MYCBP2: variants seen among roughly 807,000 people sequenced by gnomAD.
MYCBP2 encodes E3 ubiquitin-protein ligase MYCBP2.
MYCBP2 carries 120 observed loss-of-function variants against 525.3 expected under a neutral mutation model. That is an observed-to-expected ratio of 0.23 (90% CI 0.20 to 0.27). The LOEUF (loss-of-function observed/expected upper bound fraction) is 0.27. Ranked by LOEUF, MYCBP2 falls within the 10% of genes least tolerant of loss-of-function variation. The pLI is 1.00. For synonymous variants in MYCBP2, 1,894 were observed against 1,955.8 expected (o/e 0.97, Z 0.83); for missense variants, 4,149 against 5,657.1 (o/e 0.73, Z 8.55).
At position 77,176,511 on chromosome 13, in the gene MYCBP2, C is replaced by T. The variant is rs753755288; in HGVS notation, c.5458G>A (p.Val1820Met). The T allele has an allele frequency of 6.3e-6, 10 of 1,579,440 alleles. No homozygotes were observed. In the South Asian group the frequency reaches 9.5e-5, roughly 15 times the overall value. Residue 1820 changes from valine to methionine, a missense_variant, in exon 36 of 83, where the codon GTG becomes ATG. Val to Met is a conservative substitution (Grantham distance 21). This residue lies in a region of MYCBP2 where 109 missense variants were observed against 118.9 expected (regional missense o/e 0.92). Coordinates refer to ENST00000544440, the MANE Select transcript of MYCBP2 (RefSeq NM_015057.5). ...SDIAEIRLDK[V>M]VPLKENVKYA... Reference sequence around the variant, plus strand: ...GTTGAAACTACCTTTAAAGGAACCACTTTGTCAAGTCTGATCTCAGCTATA... The same window carrying T: ...GTTGAAACTACCTTTAAAGGAACCATTTTGTCAAGTCTGATCTCAGCTATA...
At chr13:77,076,711 A>T in intron 68 of MYCBP2, 40 bp downstream of exon 68, 2 of 1,265,144 alleles carry the variant, frequency 1.6e-6, no homozygotes, top group Non-Finnish European at 2.2e-6. Flanking sequence ...AAAAAAGAAT[A>T]AAAAAGGGAA....
chr13:77,279,123 T>G (rs1376939162), intron 3 of MYCBP2, among the ~76,000 whole-genome samples: 1 of 152,162 alleles, frequency 6.6e-6, no homozygotes, highest in Admixed American at 6.5e-5. Flanking sequence ...ATTTGCAAAG[T>G]TCATTTGATT....
chr13:77,273,927 G>A (rs907635134), intron 4 of MYCBP2, among the ~76,000 whole-genome samples: 1 of 152,062 alleles, frequency 6.6e-6, no homozygotes, highest in African/African-American at 2.4e-5. Context: ...AAACAAGCTT[G>A]CCTAGAGGCA....
chr13:77,171,363 G>T, intron 38 of MYCBP2, 129 bp downstream of exon 38: 1 of 861,620 alleles, frequency 1.2e-6, no homozygotes. Flanking sequence ...TTAATCCATG[G>T]GTGGATCTAT....
At chr13:77,144,360 G>C in intron 49 of MYCBP2, 85 bp downstream of exon 49, 2 of 944,468 alleles carry the variant, frequency 2.1e-6, no homozygotes, top group Non-Finnish European at 3.4e-6. Context: ...TCTAGTGCAA[G>C]TTAATGGGCA....
chr13:77,269,794 G>A (rs1041116363), intron 7 of MYCBP2, among the ~76,000 whole-genome samples, 198 bp downstream of exon 7: 3 of 152,120 alleles, frequency 2.0e-5, no homozygotes, highest in African/African-American at 7.2e-5. Flanking sequence ...GTAGGAAGCA[G>A]GGCCAGAACT....
intron 24 of MYCBP2, among the ~76,000 whole-genome samples, chr13:77,205,897 TA>T (rs2063270837): frequency 6.6e-6 from 1 of 152,206 alleles, no homozygotes; most frequent in African/African-American, 2.4e-5. Flanking sequence ...AACTCCAAAT[TA>T]GTTTGATTCT....
rs558544380 is a variant in MYCBP2, at chr13:77,091,118, C to T, written c.10368-855G>A. Among the ~76,000 whole-genome samples, 168 of 152,174 alleles carry T rather than the reference C, an allele frequency of 1.1e-3. 1 individual carries two copies. The highest frequency in any genetic ancestry group is 1.8e-3 in the Non-Finnish European group (120 of 68,002). Reference sequence around the variant, plus strand: ...AAGCCAGGTTTGAAATCCTGTGTCCCTTGGTAAAATTATCTATTTTCTAAT... The same window carrying T: ...AAGCCAGGTTTGAAATCCTGTGTCCTTTGGTAAAATTATCTATTTTCTAAT... On this transcript the variant is annotated intron_variant, in intron 59 of 82. Coordinates refer to ENST00000544440, the MANE Select transcript of MYCBP2 (RefSeq NM_015057.5).
chr13:77,119,262 A>G (rs2050287807), intron 55 of MYCBP2, among the ~76,000 whole-genome samples: 1 of 152,180 alleles, frequency 6.6e-6, no homozygotes, highest in Admixed American at 6.6e-5. Context: ...ATTTGTGAGT[A>G]TACATTAAAT....
At chr13:77,176,243 G>C (rs958870291) in intron 36 of MYCBP2, among the ~76,000 whole-genome samples, 2 of 151,864 alleles carry the variant, frequency 1.3e-5, no homozygotes, top group African/African-American at 4.8e-5. Flanking sequence ...TGGAACAGCA[G>C]GTATCCAAAG....
chr13:77,194,537 T>C (rs2061576306), intron 26 of MYCBP2, among the ~76,000 whole-genome samples: 1 of 152,136 alleles, frequency 6.6e-6, no homozygotes, highest in African/African-American at 2.4e-5. Context: ...TATGTGCATC[T>C]GAAAAAGGTG....
At chr13:77,070,147 A>T (rs945618070) in intron 69 of MYCBP2, among the ~76,000 whole-genome samples, 4 of 152,258 alleles carry the variant, frequency 2.6e-5, no homozygotes, top group African/African-American at 9.6e-5. Context: ...CATAACAAAT[A>T]GCAGCAAGGT....
chr13:77,253,376 C>T (rs1045446969), intron 14 of MYCBP2, among the ~76,000 whole-genome samples: 3 of 151,744 alleles, frequency 2.0e-5, no homozygotes, highest in African/African-American at 7.3e-5. Context: ...TCCAAATGCC[C>T]AAATACTAGA....
intron 50 of MYCBP2, 51 bp from the exon 51 acceptor site, chr13:77,140,214 T>C (rs373460327): frequency 1.3e-5 from 15 of 1,154,060 alleles, no homozygotes; most frequent in Middle Eastern, 2.0e-4. Context: ...AGAATAGAGA[T>C]CTTACAAGTA....
intron 4 of MYCBP2, among the ~76,000 whole-genome samples, chr13:77,274,690 T>A (rs1205811586): frequency 6.6e-6 from 1 of 152,184 alleles, no homozygotes. Context: ...CCCTATCTCA[T>A]CATCATCTTT....
At chr13:77,256,414 C>T (rs1001853630) in intron 14 of MYCBP2, among the ~76,000 whole-genome samples, 2 of 152,002 alleles carry the variant, frequency 1.3e-5, no homozygotes, top group African/African-American at 4.8e-5. Context: ...TAAGCCAGCA[C>T]ATTTGCTCAA....
intron 78 of MYCBP2, among the ~76,000 whole-genome samples, chr13:77,057,734 C>A (rs1008751473): frequency 1.3e-5 from 2 of 150,970 alleles, no homozygotes; most frequent in East Asian, 3.9e-4. Context: ...ATAGAAAGCA[C>A]AGCATAAAGA....
chr13:77,063,450 T>C (rs2039660021), intron 73 of MYCBP2, among the ~76,000 whole-genome samples: 1 of 151,012 alleles, frequency 6.6e-6, no homozygotes, highest in South Asian at 2.1e-4. Flanking sequence ...TCCGAGCTAC[T>C]TGGGAGGCTG....
At chr13:77,302,201 A>C (rs2078880913) in intron 1 of MYCBP2, among the ~76,000 whole-genome samples, 1 of 152,202 alleles carries the variant, frequency 6.6e-6, no homozygotes, top group African/African-American at 2.4e-5. Context: ...GAGATTCAAG[A>C]AACTCAGGGA....
Sources: gnomAD v4.1 joint callset for allele counts (sites outside exome capture counted in the v4.1 genomes callset) on GRCh38, gnomAD v4.1.1 for gene constraint, gnomAD v4.1.1 regional missense constraint, MANE v1.5 for transcripts, NCBI Gene and HGNC (gene_info 2026-07-23, HGNC 2026-07-21) for gene names.